The following SYNPR variants were observed in gnomAD, a reference collection of about 807,000 sequenced individuals.
SYNPR encodes synaptoporin.
A neutral mutation model predicts 32.9 loss-of-function variants in SYNPR; 23 were observed. The ratio of observed to expected loss-of-function variants is 0.70; its 90% CI spans 0.50 to 0.99. The LOEUF is 0.99. SYNPR is among the 50% of genes least tolerant of loss of function. The pLI is 0.00. For missense variants in SYNPR, 318 were observed against 349.3 expected (o/e 0.91, Z 0.71); for synonymous variants, 146 against 135.9 (o/e 1.07, Z -0.52).
chr3:63,412,966 T>C (rs1468809511), intron 2 of SYNPR, among the ~76,000 whole-genome samples: 1 of 152,196 alleles, frequency 6.6e-6, no homozygotes, highest in African/African-American at 2.4e-5. Context: ...TGCTATTGCA[T>C]CTTTTTAGCA....
At chr3:63,261,571 T>C (rs1218713750) in intron 2 of SYNPR, among the ~76,000 whole-genome samples, 2 of 62,092 alleles carry the variant, frequency 3.2e-5, no homozygotes, top group African/African-American at 1.3e-4. Flanking sequence ...TGTCATGGGG[T>C]GGGGGGAGGG....
chr3:63,544,914 T>C (rs1156759769), intron 3 of SYNPR, among the ~76,000 whole-genome samples: 2 of 151,954 alleles, frequency 1.3e-5, no homozygotes, highest in East Asian at 3.9e-4. Context: ...ATGGTGCTTT[T>C]ATTTCTTCCA....
intron 1 of SYNPR, among the ~76,000 whole-genome samples, chr3:63,245,706 AGAGAGTGTGTGT>A (rs1221241480): frequency 3.6e-3 from 204 of 56,272 alleles, no homozygotes; most frequent in East Asian, 0.02. Flanking sequence ...AGAGAGAGAG[AGAGAGTGTGTGT>A]GTGTGTGTGT....
At chr3:63,278,647 C>T (rs542971515) in intron 1 of SYNPR, 30 bp from the exon 2 acceptor site, 15 of 1,551,230 alleles carry the variant, frequency 9.7e-6, no homozygotes, top group Non-Finnish European at 1.3e-5. Flanking sequence ...TCACGCTTTG[C>T]TTTCTCTCTC....
chr3:63,427,750 C>A (rs1166582191), intron 2 of SYNPR, among the ~76,000 whole-genome samples: 1 of 152,222 alleles, frequency 6.6e-6, no homozygotes, highest in Non-Finnish European at 1.5e-5. Flanking sequence ...AAACCCAGAT[C>A]TACTGGATCA....
At chr3:63,610,387 G>A in intron 5 of SYNPR, 1 of 550,666 alleles carries the variant, frequency 1.8e-6, no homozygotes, top group Non-Finnish European at 3.3e-6. Flanking sequence ...AAGAATAGAA[G>A]GCTCAGCAGT....
chr3:63,323,288 C>T (rs1291167873), intron 2 of SYNPR, among the ~76,000 whole-genome samples: 1 of 152,030 alleles, frequency 6.6e-6, no homozygotes, highest in Non-Finnish European at 1.5e-5. Flanking sequence ...ATGGACTGAT[C>T]CACTTTCCAA....
At chr3:63,603,683 A>G (rs1185942754) in intron 4 of SYNPR, among the ~76,000 whole-genome samples, 2 of 152,222 alleles carry the variant, frequency 1.3e-5, no homozygotes, top group African/African-American at 2.4e-5. Flanking sequence ...CTTGCATCCC[A>G]GGGATAAAGC....
rs543675884 is a variant in SYNPR, at chr3:63,587,247, C to T, written c.409-21878C>T. On this transcript the variant is annotated intron_variant, in intron 4 of 5. Transcript: ENST00000478300. ...ACCATCATCATCACGATCATTAATG[C>T]AACAGCTAAAATATTCCAGTCTCCA... is the stretch of plus-strand genomic sequence containing the variant. Among the ~76,000 whole-genome samples the T allele has an allele frequency of 2.0e-5, 3 of 152,184 alleles. No individual in the cohort carries two copies. The South Asian group carries it at 6.2e-4, about 32-fold the overall frequency.
intron 2 of SYNPR, among the ~76,000 whole-genome samples, chr3:63,400,450 C>T (rs538351998): frequency 2.0e-5 from 3 of 152,336 alleles, no homozygotes; most frequent in South Asian, 4.1e-4. Context: ...ACCAATGGCA[C>T]GTCAGAGCTG....
intron 3 of SYNPR, among the ~76,000 whole-genome samples, chr3:63,494,433 ACG>A (rs1435992499): frequency 2.4e-4 from 31 of 129,006 alleles, no homozygotes; most frequent in African/African-American, 4.9e-4. Context: ...ATATATATAT[ACG>A]TATATATATA....
At chr3:63,298,796 A>C (rs969781869) in intron 2 of SYNPR, among the ~76,000 whole-genome samples, 4 of 152,154 alleles carry the variant, frequency 2.6e-5, no homozygotes, top group African/African-American at 9.7e-5. Flanking sequence ...AATAGTGAGT[A>C]CTTGATCTAA....
chr3:63,476,427 A>AGGGAGGGAGGG (rs1700926326), intron 2 of SYNPR, among the ~76,000 whole-genome samples: 1 of 151,858 alleles, frequency 6.6e-6, no homozygotes, highest in African/African-American at 2.4e-5. Context: ...GAAGGAAGGA[A>AGGGAGGGAGGG]AGAAAGATAA....
At chr3:63,415,016 CCAGTTGTTAAATAAGTT>C (rs983709048) in intron 2 of SYNPR, among the ~76,000 whole-genome samples, 1 of 152,042 alleles carries the variant, frequency 6.6e-6, no homozygotes, top group Non-Finnish European at 1.5e-5. Context: ...ATTTTATGAT[CCAGTTGTTAAATAAGTT>C]CACTATTAAA....
chr3:63,393,491 C>CTTTTTTTTTTTTTTT (rs1482584312), intron 2 of SYNPR, among the ~76,000 whole-genome samples: 12 of 116,614 alleles, frequency 1.0e-4, no homozygotes, highest in African/African-American at 3.8e-4. Flanking sequence ...TTCTTTCTTT[C>CTTTTTTTTTTTTTTT]TTCTCTTTTT....
At chr3:63,217,615 C>T in the SYNPR span, among the ~76,000 whole-genome samples, 1 of 148,700 alleles carries the variant, frequency 6.7e-6, no homozygotes. Flanking sequence ...GTCTGGCACT[C>T]CCTAGTGAGA....
Position 63,521,240 on chromosome 3 carries a change from C to T in SYNPR, c.210-35303C>T, listed in dbSNP as rs187416067. 2.9e-3 allele frequency among the ~76,000 whole-genome samples: 439 copies of T among 152,236 alleles called. 2 individuals carry two copies. Among genetic ancestry groups the T allele is most frequent in the African/African-American group, 9.8e-3 (406 of 41,538 alleles). ...TTCTTAAAAATACAGATTCTTGGAA[C>T]CACTTTTTACCTATAAAGCTGGAAT... On this transcript the variant is annotated intron_variant, in intron 3 of 5. Transcript: ENST00000478300.
chr3:63,373,748 A>G (rs1238039950), intron 2 of SYNPR, among the ~76,000 whole-genome samples: 1 of 152,178 alleles, frequency 6.6e-6, no homozygotes, highest in African/African-American at 2.4e-5. Flanking sequence ...ATACTACACA[A>G]GAAGACCATC....
intron 2 of SYNPR, among the ~76,000 whole-genome samples, chr3:63,388,940 T>C (rs1377515074): frequency 1.3e-5 from 2 of 152,174 alleles, no homozygotes; most frequent in Non-Finnish European, 2.9e-5. Context: ...TGTTATATTT[T>C]CATAAAACAG....
Sources: allele counts gnomAD v4.1 joint callset (sites outside exome capture counted in the v4.1 genomes callset), GRCh38; gene constraint gnomAD v4.1.1; transcripts MANE v1.5; gene names NCBI Gene and HGNC (gene_info 2026-07-23, HGNC 2026-07-21).